The following NEB variants were observed in gnomAD, a reference collection of about 807,000 sequenced individuals.
NEB encodes the protein nemaline myopathy type 2.
A neutral mutation model predicts 952.2 loss-of-function variants in NEB; 512 were observed. The observed-to-expected ratio is 0.54, with a 90% CI of 0.50 to 0.58. The LOEUF (loss-of-function observed/expected upper bound fraction) is 0.58, where lower values mean the gene tolerates loss of function less well. Among genes scored for constraint, NEB ranks in the 20% least tolerant of loss-of-function variants. The pLI, the probability that NEB is intolerant of heterozygous loss-of-function variation, is 0.00. For synonymous variants in NEB, 2,900 were observed against 3,149.8 expected, an observed-to-expected ratio of 0.92 and a Z score of 2.66; for missense variants, 8,428 against 9,231.1, an observed-to-expected ratio of 0.91 and a Z score of 3.56.
chr2:151,536,236 T>G (rs2093185387), intron 141 of NEB, among the ~76,000 whole-genome samples: 1 of 152,244 alleles, frequency 6.6e-6, no homozygotes, highest in Non-Finnish European at 1.5e-5. Flanking sequence ...GATTGTTTAT[T>G]CTGCCTCCAA....
chr2:151,532,895 T>C (rs939986140), intron 143 of NEB, among the ~76,000 whole-genome samples: 1 of 152,178 alleles, frequency 6.6e-6, no homozygotes, highest in African/African-American at 2.4e-5. Flanking sequence ...AAGGCATTAT[T>C]ATCAGAGACA....
In NEB at chr2:151,492,165, T is replaced by C. The variant is rs2152821661; in HGVS notation, c.24990A>G (p.Arg8330=). ...TTTCTACCACTTTCCTCTGAATACC[T>C]CGGTAGTTAATGTCACTGAAGTCCT... ...NMQDFSDINY[R]GIQRKVVEME... is the part of the protein sequence containing the mutation. The change falls in exon 178 of 182, where the codon CGA becomes CGG. Residue 8330 remains arginine (R), a synonymous_variant. Transcript: ENST00000397345. 1 of 1,613,926 alleles carries C rather than the reference T, an allele frequency of 6.2e-7. No individual in the cohort carries two copies. Among genetic ancestry groups the C allele is most frequent in the Non-Finnish European group, 8.5e-7 (1 of 1,179,856 alleles).
intron 107 of NEB, among the ~76,000 whole-genome samples, chr2:151,572,440 CTA>C (rs1198894086): frequency 3.4e-5 from 5 of 148,468 alleles, no homozygotes; most frequent in African/African-American, 1.2e-4. Flanking sequence ...CATTTTCACA[CTA>C]TTTCTTATGT....
Position 151,677,634 on chromosome 2 carries a change from G to C in NEB, c.3705C>G (p.Leu1235=). The change falls in exon 34 of 182, where the codon CTC becomes CTG. Residue 1235 remains leucine (L), a synonymous_variant. Transcript: ENST00000397345. ...EKKYRQHPDT[L]KFTSIVDSPV... ...GGGAGTCCACAATGCTGGTAAATTT[G>C]AGGGTGTCTGGATGTTGCCTGTACT... is the stretch of plus-strand genomic sequence containing the variant. 6.2e-7 allele frequency: 1 copy of C among 1,613,954 alleles called. No individual in the cohort carries two copies. The highest frequency in any genetic ancestry group is 2.2e-5 in the East Asian group (1 of 44,876).
In NEB at chr2:151,525,156, A is replaced by G. The variant is rs762551492; in HGVS notation, c.22272+7T>C. 1.6e-5 allele frequency: 25 copies of G among 1,604,872 alleles called. No individual in the cohort carries two copies. Among genetic ancestry groups the G allele is most frequent in the Non-Finnish European group, 2.1e-5 (25 of 1,171,614 alleles). On this transcript the variant is annotated splice_region_variant and intron_variant, in intron 151 of 181. Transcript: ENST00000397345. ...GGCCCCCAAGAGTGTTGAGAGGGAA[A>G]ACTTACATCACTTTGCTTCTTGGCC...
intron 70 of NEB, 61 bp from the exon 71 acceptor site, chr2:151,625,699 A>C: frequency 8.7e-7 from 1 of 1,151,836 alleles, no homozygotes; most frequent in Non-Finnish European, 1.2e-6. Flanking sequence ...AGGAGTTTTC[A>C]ATTAAGACAC....
intron 42 of NEB, among the ~76,000 whole-genome samples, 184 bp from the exon 43 acceptor site, chr2:151,665,047 G>T (rs2154176145): frequency 6.6e-6 from 1 of 152,190 alleles, no homozygotes; most frequent in South Asian, 2.1e-4. Context: ...GTTGAATACG[G>T]CAACCCTCTA....
At chr2:151,499,795 A>G (rs1181749052) in intron 168 of NEB, among the ~76,000 whole-genome samples, 1 of 152,232 alleles carries the variant, frequency 6.6e-6, no homozygotes, top group Non-Finnish European at 1.5e-5. Context: ...AATCTATGCA[A>G]TATGGCAATT....
intron 95 of NEB, among the ~76,000 whole-genome samples, 184 bp downstream of exon 95, chr2:151,591,850 A>G (rs1389828978): frequency 6.6e-6 from 1 of 152,198 alleles, no homozygotes; most frequent in East Asian, 1.9e-4. Flanking sequence ...CCTTCCAACA[A>G]ACATTGAGAT....
intron 171 of NEB, 27 bp from the exon 172 acceptor site, chr2:151,497,060 A>T (rs1402021400): frequency 6.4e-7 from 1 of 1,550,726 alleles, no homozygotes; most frequent in African/African-American, 1.4e-5. Context: ...CAACCAGAAA[A>T]ACAACCATGA....
chr2:151,613,340 T>A (rs998827839), intron 77 of NEB, among the ~76,000 whole-genome samples: 1 of 152,210 alleles, frequency 6.6e-6, no homozygotes, highest in African/African-American at 2.4e-5. Context: ...ATACTTCCTA[T>A]AAGTTAAATA....
At chr2:151,601,350 C>G (rs1297300757) in intron 88 of NEB, among the ~76,000 whole-genome samples, 1 of 144,212 alleles carries the variant, frequency 6.9e-6, no homozygotes, top group Non-Finnish European at 1.5e-5. Flanking sequence ...CTCAAGTGAT[C>G]CACCCGCCTT....
At position 151,561,114 on chromosome 2, in the gene NEB, G is replaced by A. The variant is rs145127681; in HGVS notation, c.19102-6C>T. 0.036 allele frequency: 55,933 copies of A among 1,568,874 alleles called. 1,322 individuals carry two copies. The highest frequency in any genetic ancestry group is 0.041 in the Non-Finnish European group (47,211 of 1,145,504). ...TAATTTTCTTTATATTTTACCTGTA[G>A]ACAAGCAACAATAGGTTATTCACCT... On this transcript the variant is annotated splice_region_variant and splice_polypyrimidine_tract_variant and intron_variant, in intron 122 of 181. Coordinates refer to ENST00000397345, the MANE Select transcript of NEB (RefSeq NM_001164508.2).
intron 148 of NEB, 53 bp from the exon 149 acceptor site, chr2:151,526,315 A>G: frequency 1.6e-6 from 2 of 1,214,780 alleles, no homozygotes; most frequent in South Asian, 1.3e-5. Context: ...TATCCTACAT[A>G]TTTTTATTAC....
rs769725005 is a variant in NEB, at chr2:151,665,422, G to A, written c.5149C>T (p.Arg1717Cys). The change falls in exon 42 of 182, where the codon CGC (arginine) becomes TGC (cysteine). Residue 1717 changes from arginine to cysteine, a missense_variant. Transcript: ENST00000397345. ...AACTTCAGCTTCTCGGGGTGCTGGC[G>A]ATACTTCTTCTCACTAAGAATCTCT... The part of the protein sequence containing the change: ...AGEILSEKKY[R>C]QHPEKLKFTY... The A allele has an allele frequency of 4.8e-5, 78 of 1,613,520 alleles. No homozygotes were observed. The highest frequency in any genetic ancestry group is 5.6e-5 in the Non-Finnish European group (66 of 1,179,786).
chr2:151,623,266 A>G (rs1326336524), intron 71 of NEB, among the ~76,000 whole-genome samples: 1 of 152,208 alleles, frequency 6.6e-6, no homozygotes, highest in African/African-American at 2.4e-5. Flanking sequence ...CAGTACCAGT[A>G]GATAGTTCTG....
chr2:151,562,698 C>T lies in NEB; in HGVS notation c.18804G>A (p.Glu6268=), dbSNP rs1577663381. The change falls in exon 120 of 182, where the codon GAG becomes GAA. Residue 6268 remains glutamate, a synonymous_variant. Coordinates refer to ENST00000397345, the MANE Select transcript of NEB (RefSeq NM_001164508.2). ...KRCQYILSDL[E]YRHYFHQWTS... The stretch of plus-strand genomic sequence containing the variant: ...TCCACTGGTGGAAATAGTGTCGATA[C>T]TCCAGGTCACTGAGGATGTACTGGC... The T allele has an allele frequency of 6.2e-7, 1 of 1,607,708 alleles. No individual in the cohort carries two copies. Among genetic ancestry groups the T allele is most frequent in the South Asian group, 1.1e-5 (1 of 89,826 alleles).
chr2:151,663,489 G>T lies in NEB; in HGVS notation c.5763+59C>A, dbSNP rs572452659. 14 of 1,465,462 alleles carry T rather than the reference G, an allele frequency of 9.6e-6. No individual in the cohort carries two copies. The African/African-American group carries it at 1.8e-4, about 19-fold the overall frequency. 90.8% of individuals were successfully genotyped at this position (1,465,462 alleles called of 1,614,324 possible). A position where few individuals can be genotyped will look rare whatever the true frequency, so the allele number is the denominator to read the frequency against. The stretch of plus-strand genomic sequence containing the variant: ...GATTTTCAAAACGTCATTGCTTATG[G>T]TCACTCATGGTTGCTTATTATCCAG... On this transcript the variant is annotated intron_variant, in intron 45 of 181. Transcript: ENST00000397345.
intron 24 of NEB, chr2:151,690,029 C>T (rs2099535616): frequency 6.6e-6 from 1 of 152,432 alleles, no homozygotes; most frequent in East Asian, 1.9e-4. Context: ...AAAGAGTAGC[C>T]TACCAATCAC....
Sources: allele counts gnomAD v4.1 joint callset (sites outside exome capture counted in the v4.1 genomes callset), GRCh38; gene constraint gnomAD v4.1.1; transcripts MANE v1.5; gene names NCBI Gene and HGNC (gene_info 2026-07-23, HGNC 2026-07-21).